Variants in S100Z observed in about 807,000 individuals in gnomAD.
S100Z encodes S100 calcium binding protein Z.
A neutral mutation model predicts 8.5 loss-of-function variants in S100Z; 11 were observed. The observed-to-expected ratio is 1.30, with a 90% CI of 0.82 to 2.15. The LOEUF is 2.15. Ranked by LOEUF, S100Z falls within the 30% of genes most tolerant of loss-of-function variation. The pLI is 0.00. For synonymous variants in S100Z, 34 were observed against 43.8 expected (o/e 0.78, Z 0.89); for missense variants, 126 against 117.9 (o/e 1.07, Z -0.32).
intron 2 of S100Z, among the ~76,000 whole-genome samples, chr5:76,870,729 G>A (rs1267677981): frequency 6.6e-6 from 1 of 152,080 alleles, no homozygotes; most frequent in East Asian, 1.9e-4. Flanking sequence ...ACAGATCTGG[G>A]CCAAGAAATA....
chr5:76,930,795 G>A, the S100Z span, among the ~76,000 whole-genome samples: 4,332 of 152,220 alleles, frequency 0.028, 209 homozygotes, highest in African/African-American at 0.098. Flanking sequence ...AGGGTAAAGC[G>A]GGTATCCAAG....
At chr5:76,906,982 A>G (rs1300754315) in intron 4 of S100Z, among the ~76,000 whole-genome samples, 112 of 5,678 alleles carry the variant, frequency 0.02, 2 homozygotes, top group East Asian at 0.076. Flanking sequence ...GTGTGTATAT[A>G]TATATATATA....
intron 3 of S100Z, among the ~76,000 whole-genome samples, chr5:76,876,527 C>A (rs1030906725): frequency 2.0e-5 from 3 of 152,024 alleles, no homozygotes; most frequent in Non-Finnish European, 4.4e-5. Context: ...CACCACGACA[C>A]CCAGCTAAGT....
intron 4 of S100Z, among the ~76,000 whole-genome samples, chr5:76,887,817 C>G (rs1263922823): frequency 6.6e-6 from 1 of 152,120 alleles, no homozygotes; most frequent in Non-Finnish European, 1.5e-5. Flanking sequence ...TTTTTTCCCC[C>G]TTAAATAGAA....
chr5:76,939,967 G>A, the S100Z span, among the ~76,000 whole-genome samples: 3 of 152,032 alleles, frequency 2.0e-5, no homozygotes, highest in Admixed American at 6.5e-5. Flanking sequence ...AGACCATTCT[G>A]ACCAACATGG....
At chr5:76,900,908 G>T (rs1434517313) in intron 4 of S100Z, among the ~76,000 whole-genome samples, 1 of 152,198 alleles carries the variant, frequency 6.6e-6, no homozygotes, top group Admixed American at 6.5e-5. Flanking sequence ...CTTGGGTGTT[G>T]TGATCTAAGC....
At chr5:76,918,341 A>T (rs1331548427) in intron 4 of S100Z, among the ~76,000 whole-genome samples, 1 of 152,058 alleles carries the variant, frequency 6.6e-6, no homozygotes, top group African/African-American at 2.4e-5. Context: ...TGAGTAGCTG[A>T]GACTACAGGT....
chr5:76,874,358 G>A (rs1399993098), intron 2 of S100Z, among the ~76,000 whole-genome samples: 1 of 152,014 alleles, frequency 6.6e-6, no homozygotes, highest in Non-Finnish European at 1.5e-5. Context: ...CAGCTTCCTA[G>A]CAACTAATTG....
At chr5:76,869,190 A>G (rs1353448579) in intron 1 of S100Z, among the ~76,000 whole-genome samples, 1 of 152,130 alleles carries the variant, frequency 6.6e-6, no homozygotes, top group Non-Finnish European at 1.5e-5. Context: ...CCAGATATCA[A>G]CCCTGACATC....
At chr5:76,931,238 C>A in the S100Z span, among the ~76,000 whole-genome samples, 1 of 152,012 alleles carries the variant, frequency 6.6e-6, no homozygotes, top group Non-Finnish European at 1.5e-5. Flanking sequence ...TCCCGAGTAG[C>A]TGGGACTTAT....
At chr5:76,864,328 A>G (rs1751183572) in intron 1 of S100Z, among the ~76,000 whole-genome samples, 1 of 151,924 alleles carries the variant, frequency 6.6e-6, no homozygotes, top group Admixed American at 6.6e-5. Context: ...TAGAACATAC[A>G]ATTACACTAC....
At chr5:76,880,015 G>T (rs1253595992) in intron 4 of S100Z, among the ~76,000 whole-genome samples, 1 of 152,200 alleles carries the variant, frequency 6.6e-6, no homozygotes, top group Admixed American at 6.5e-5. Context: ...AGCAAAGGGT[G>T]GCGGATTATC....
chr5:76,856,894 T>C (rs929805480), intron 1 of S100Z, among the ~76,000 whole-genome samples: 6 of 152,174 alleles, frequency 3.9e-5, no homozygotes, highest in African/African-American at 1.4e-4. Flanking sequence ...TATGTAGAGC[T>C]CTGGAGAAGG....
At chr5:76,919,822 T>G (rs1744980876) in intron 4 of S100Z, among the ~76,000 whole-genome samples, 2 of 151,960 alleles carry the variant, frequency 1.3e-5, no homozygotes, top group African/African-American at 4.8e-5. Context: ...CAGGCTGGTC[T>G]TAAACTCCTG....
intron 1 of S100Z, among the ~76,000 whole-genome samples, chr5:76,863,323 G>A (rs1195918676): frequency 6.6e-6 from 1 of 152,068 alleles, no homozygotes; most frequent in African/African-American, 2.4e-5. Context: ...CTCACACAGT[G>A]GTCCTTAACA....
chr5:76,871,869 C>T (rs1743021865), intron 2 of S100Z, among the ~76,000 whole-genome samples: 1 of 152,196 alleles, frequency 6.6e-6, no homozygotes, highest in Admixed American at 6.5e-5. Flanking sequence ...GCCCCATACC[C>T]CTGCCTTTTT....
At chr5:76,864,132 C>T (rs77138243) in intron 1 of S100Z, among the ~76,000 whole-genome samples, 1,662 of 152,228 alleles carry the variant, frequency 0.011, 34 homozygotes, top group African/African-American at 0.037. Context: ...CCCATAATGA[C>T]ATTTTGCTCA....
chr5:76,898,767 T>G (rs1744126730), intron 4 of S100Z, among the ~76,000 whole-genome samples: 1 of 152,108 alleles, frequency 6.6e-6, no homozygotes, highest in South Asian at 2.1e-4. Flanking sequence ...TTTCTTTTTT[T>G]GATGTGTCTT....
At chr5:76,876,168 T>C (rs2150641572) in intron 3 of S100Z, among the ~76,000 whole-genome samples, 1 of 152,318 alleles carries the variant, frequency 6.6e-6, no homozygotes, top group Admixed American at 6.5e-5. Context: ...TTTAGCACAA[T>C]ATGCTACCCT....
Sources: gnomAD v4.1 joint callset for allele counts (sites outside exome capture counted in the v4.1 genomes callset) on GRCh38, gnomAD v4.1.1 for gene constraint, MANE v1.5 for transcripts, NCBI Gene and HGNC (gene_info 2026-07-23, HGNC 2026-07-21) for gene names.